Variants in NXPE2 observed in about 807,000 individuals in gnomAD.
NXPE2 encodes the protein NXPE family member 2.
Under a neutral mutation model 34.4 loss-of-function variants are expected in NXPE2, and 34 were observed. That is an observed-to-expected ratio of 0.99 (90% CI 0.75 to 1.31). NXPE2 has a LOEUF of 1.31. NXPE2 is among the 40% of genes most tolerant of loss of function. The pLI is 0.00. For synonymous variants in NXPE2, 235 were observed against 231.3 expected (o/e 1.02, Z -0.15); for missense variants, 649 against 672.5 (o/e 0.97, Z 0.39).
At chr11:114,477,526 A>G in the NXPE2 span, among the ~76,000 whole-genome samples, 1 of 152,108 alleles carries the variant, frequency 6.6e-6, no homozygotes, top group South Asian at 2.1e-4. Context: ...TACAAAGACA[A>G]CACCCTCCAC....
At chr11:114,467,519 A>G in the NXPE2 span, among the ~76,000 whole-genome samples, 3 of 152,176 alleles carry the variant, frequency 2.0e-5, no homozygotes, top group African/African-American at 7.2e-5. Flanking sequence ...CCAGCCCTAA[A>G]TGAGCCCTGG....
At chr11:114,769,743 C>G in the NXPE2 span, among the ~76,000 whole-genome samples, 4 of 152,068 alleles carry the variant, frequency 2.6e-5, no homozygotes, top group Admixed American at 2.0e-4. Flanking sequence ...TGTTCTCAAT[C>G]ATAAGTGGGA....
At chr11:114,807,262 G>A in the NXPE2 span, among the ~76,000 whole-genome samples, 2 of 152,012 alleles carry the variant, frequency 1.3e-5, no homozygotes, top group Admixed American at 6.6e-5. Context: ...GACCATCAAG[G>A]CTAGGAAGAA....
chr11:114,805,769 C>T, the NXPE2 span, among the ~76,000 whole-genome samples: 1 of 152,218 alleles, frequency 6.6e-6, no homozygotes, highest in African/African-American at 2.4e-5. Flanking sequence ...CCTCTGGGGG[C>T]AGGGCACAGA....
At chr11:114,672,078 C>T in the NXPE2 span, among the ~76,000 whole-genome samples, 1 of 151,898 alleles carries the variant, frequency 6.6e-6, no homozygotes. Flanking sequence ...GGAGGTGCTA[C>T]ACACTTTGAA....
the NXPE2 span, among the ~76,000 whole-genome samples, chr11:114,642,424 TC>T: frequency 4.6e-4 from 69 of 151,140 alleles, no homozygotes; most frequent in Non-Finnish European, 7.5e-4. Flanking sequence ...CCCTCCCCAC[TC>T]CCCCCAGCCC....
At chr11:114,651,131 G>T in the NXPE2 span, among the ~76,000 whole-genome samples, 1 of 152,098 alleles carries the variant, frequency 6.6e-6, no homozygotes, top group South Asian at 2.1e-4. Context: ...TCCAGATTTG[G>T]TTCCTTCCAG....
At chr11:114,488,082 T>C in the NXPE2 span, among the ~76,000 whole-genome samples, 1 of 151,656 alleles carries the variant, frequency 6.6e-6, no homozygotes, top group Non-Finnish European at 1.5e-5. Context: ...AAGATTGCTA[T>C]TCATTCTTTA....
chr11:114,728,912 A>G, the NXPE2 span, among the ~76,000 whole-genome samples: 1 of 152,044 alleles, frequency 6.6e-6, no homozygotes, highest in Non-Finnish European at 1.5e-5. Context: ...TTTAATTTTT[A>G]TAATTTTTAA....
At chr11:114,533,171 T>C in the NXPE2 span, among the ~76,000 whole-genome samples, 1 of 152,206 alleles carries the variant, frequency 6.6e-6, no homozygotes, top group African/African-American at 2.4e-5. Context: ...TTCTTTATTT[T>C]TTATAGATGT....
chr11:114,705,837 G>A lies in NXPE2; in HGVS notation c.985G>A (p.Gly329Ser). Reference sequence around the variant, plus strand: ...TGGAATGAAGACTCCTTTCCCCAGTGGTTATACTTTGAAAAAAATGTGGAT... The same window carrying A: ...TGGAATGAAGACTCCTTTCCCCAGTAGTTATACTTTGAAAAAAATGTGGAT... ...QIGMKTPFPS[G>S]YTLKKMWITA... Residue 329 changes from glycine (G) to serine (S), a missense_variant, in exon 5 of 6, where the codon GGT (glycine) becomes AGT (serine). Physicochemically the swap from Gly to Ser is moderately conservative, Grantham distance 56. Transcript: ENST00000389586. 1 of 1,538,596 alleles carries A rather than the reference G, an allele frequency of 6.5e-7. No individual in the cohort carries two copies. Among genetic ancestry groups the A allele is most frequent in the Non-Finnish European group, 8.8e-7 (1 of 1,141,286 alleles).
At chr11:114,731,537 C>T in the NXPE2 span, among the ~76,000 whole-genome samples, 3 of 152,116 alleles carry the variant, frequency 2.0e-5, no homozygotes, top group Non-Finnish European at 4.4e-5. Context: ...GAACAGTACT[C>T]AGCAATAAAA....
upstream of NXPE2, among the ~76,000 whole-genome samples, chr11:114,673,749 G>C (rs961866544): frequency 1.3e-5 from 2 of 151,750 alleles, no homozygotes; most frequent in African/African-American, 4.8e-5. Context: ...TGTTCCCAAA[G>C]AGCTGTAATT....
chr11:114,600,263 A>G, the NXPE2 span, among the ~76,000 whole-genome samples: 2 of 152,304 alleles, frequency 1.3e-5, no homozygotes, highest in Middle Eastern at 6.8e-3. Flanking sequence ...GTAAGAAGAC[A>G]TATCTTGGTT....
the NXPE2 span, chr11:114,552,757 A>C: frequency 5.0e-6 from 2 of 400,278 alleles, no homozygotes; most frequent in South Asian, 2.0e-4. Flanking sequence ...CATTGAAAAA[A>C]AAGTATGATT....
the NXPE2 span, among the ~76,000 whole-genome samples, chr11:114,613,835 C>T: frequency 5.3e-5 from 8 of 151,666 alleles, no homozygotes; most frequent in Admixed American, 3.9e-4. Context: ...CACTGTTACC[C>T]TGTGGATAAT....
the NXPE2 span, among the ~76,000 whole-genome samples, chr11:114,730,604 G>C: frequency 1.3e-5 from 2 of 152,012 alleles, no homozygotes; most frequent in East Asian, 3.9e-4. Context: ...TCTTGTAGAG[G>C]TCTTTCACTT....
intron 1 of NXPE2, 29 bp from the exon 2 acceptor site, chr11:114,679,628 G>A (rs1259303331): frequency 4.4e-6 from 6 of 1,363,540 alleles, no homozygotes; most frequent in Non-Finnish European, 6.1e-6. Context: ...TTGATTTAAT[G>A]TGATTATTTC....
chr11:114,633,322 A>G, the NXPE2 span, among the ~76,000 whole-genome samples: 1 of 140,912 alleles, frequency 7.1e-6, no homozygotes, highest in African/African-American at 2.6e-5. Context: ...TAATTATATT[A>G]TGTGGTATTA....
Sources: allele counts gnomAD v4.1 joint callset (sites outside exome capture counted in the v4.1 genomes callset), GRCh38; gene constraint gnomAD v4.1.1; transcripts MANE v1.5; gene names NCBI Gene and HGNC (gene_info 2026-07-23, HGNC 2026-07-21).